FAM78B: variants seen among roughly 807,000 people sequenced by gnomAD.
FAM78B encodes the protein family with sequence similarity 78 member B, also known as protein FAM78B.
Under a neutral mutation model 20.0 loss-of-function variants are expected in FAM78B, and 10 were observed. That is an observed-to-expected ratio of 0.50 (90% CI 0.31 to 0.85). The LOEUF (loss-of-function observed/expected upper bound fraction) is 0.85, where lower values mean the gene tolerates loss of function less well. FAM78B is among the 40% of genes least tolerant of loss of function. FAM78B has a pLI of 0.05. For synonymous variants in FAM78B, 135 were observed against 132.8 expected, an observed-to-expected ratio of 1.02 and a Z score of -0.12; for missense variants, 283 against 345.0, an observed-to-expected ratio of 0.82 and a Z score of 1.42.
intron 1 of FAM78B, among the ~76,000 whole-genome samples, chr1:166,107,965 A>G (rs1175287398): frequency 6.6e-6 from 1 of 152,204 alleles, no homozygotes; most frequent in Non-Finnish European, 1.5e-5. Flanking sequence ...TAAAACTCTC[A>G]GCAAAATAGG....
intron 1 of FAM78B, among the ~76,000 whole-genome samples, chr1:166,154,300 G>C (rs1215680725): frequency 6.6e-6 from 1 of 152,210 alleles, no homozygotes; most frequent in African/African-American, 2.4e-5. Flanking sequence ...TTGAGGGGTG[G>C]AAGAAAGGGA....
intron 1 of FAM78B, among the ~76,000 whole-genome samples, chr1:166,118,425 T>C (rs1362756068): frequency 2.0e-5 from 3 of 152,156 alleles, no homozygotes; most frequent in African/African-American, 7.2e-5. Context: ...AAAGAACCAA[T>C]AATTTCACAC....
At chr1:166,154,595 C>A in intron 1 of FAM78B, 2 of 407,604 alleles carry the variant, frequency 4.9e-6, no homozygotes, top group Non-Finnish European at 5.1e-6. Context: ...GGGCAGGTGG[C>A]CATCTCTGCC....
At chr1:166,066,473 G>A (rs1399018567), downstream of FAM78B, among the ~76,000 whole-genome samples, 1 of 152,176 alleles carries the variant, frequency 6.6e-6, no homozygotes, top group Non-Finnish European at 1.5e-5. Context: ...GGATGAACAG[G>A]AGAGGCAGAA....
At chr1:166,107,631 A>G (rs77883194) in intron 1 of FAM78B, among the ~76,000 whole-genome samples, 2 of 152,160 alleles carry the variant, frequency 1.3e-5, no homozygotes, top group Non-Finnish European at 2.9e-5. Flanking sequence ...AACCTTCCCT[A>G]ATTCATTCTA....
rs527863752 is a variant in FAM78B at position 166,078,147 on chromosome 1, T to C, written c.264-7384A>G. Among the ~76,000 whole-genome samples, 1,219 of 151,662 alleles carry C rather than the reference T, an allele frequency of 8.0e-3. 24 individuals are homozygous for C. Among genetic ancestry groups the C allele is most frequent in the African/African-American group, 0.029 (1,179 of 41,284 alleles). On this transcript the variant is annotated intron_variant, in intron 1 of 1. Coordinates refer to ENST00000354422, the MANE Select transcript of FAM78B (RefSeq NM_001017961.5). ...CTTGGGTTCAAGCAATTCTTCTGCC[T>C]CAGACTCCCGAGTAGCTGGGACTAC...
chr1:166,160,989 T>C (rs537402383), intron 1 of FAM78B, among the ~76,000 whole-genome samples: 3 of 152,266 alleles, frequency 2.0e-5, no homozygotes, highest in African/African-American at 4.8e-5. Flanking sequence ...GAGACCGGAA[T>C]GAGGGGCAGG....
chr1:166,163,332 G>C (rs2101808537), intron 1 of FAM78B, among the ~76,000 whole-genome samples: 1 of 152,282 alleles, frequency 6.6e-6, no homozygotes, highest in South Asian at 2.1e-4. Flanking sequence ...ATTAAGCTCT[G>C]GCCATCATAG....
intron 1 of FAM78B, among the ~76,000 whole-genome samples, chr1:166,099,596 G>C (rs1653426317): frequency 6.6e-6 from 1 of 152,166 alleles, no homozygotes; most frequent in African/African-American, 2.4e-5. Context: ...CATGCAAATG[G>C]GGTAGCAGCG....
chr1:166,076,937 T>C (rs2101716690), intron 1 of FAM78B, among the ~76,000 whole-genome samples: 1 of 152,250 alleles, frequency 6.6e-6, no homozygotes, highest in East Asian at 1.9e-4. Context: ...GGGTGAGCTC[T>C]TTGAGGATGA....
intron 1 of FAM78B, among the ~76,000 whole-genome samples, chr1:166,128,472 A>C (rs986466983): frequency 1.1e-4 from 16 of 152,238 alleles, no homozygotes; most frequent in Admixed American, 1.0e-3. Context: ...TGTCCCTTAT[A>C]AAGTAGGCAG....
chr1:166,088,763 G>A (rs1652943767), intron 1 of FAM78B, among the ~76,000 whole-genome samples: 2 of 152,184 alleles, frequency 1.3e-5, no homozygotes, highest in Admixed American at 1.3e-4. Context: ...CCAACCACGG[G>A]GAGGGGCAGA....
chr1:166,122,272 A>G (rs1421587989), intron 1 of FAM78B, among the ~76,000 whole-genome samples: 1 of 152,174 alleles, frequency 6.6e-6, no homozygotes, highest in Non-Finnish European at 1.5e-5. Flanking sequence ...GGCACAGATC[A>G]GCCTGAAAGC....
At chr1:166,143,947 G>C (rs1400547792) in intron 1 of FAM78B, among the ~76,000 whole-genome samples, 1 of 152,122 alleles carries the variant, frequency 6.6e-6, no homozygotes, top group Non-Finnish European at 1.5e-5. Context: ...CCCTCCTCCA[G>C]AATGTCCTTA....
intron 1 of FAM78B, among the ~76,000 whole-genome samples, chr1:166,165,259 T>C (rs572539806): frequency 6.6e-6 from 1 of 152,316 alleles, no homozygotes; most frequent in Admixed American, 6.5e-5. Flanking sequence ...TCCTTTCCTT[T>C]AGCATAAGAA....
At chr1:166,125,032 G>A (rs1053962828) in intron 1 of FAM78B, among the ~76,000 whole-genome samples, 5 of 152,116 alleles carry the variant, frequency 3.3e-5, no homozygotes, top group Non-Finnish European at 7.3e-5. Flanking sequence ...AGCAAATTTG[G>A]CTTCTCCTAT....
chr1:166,145,753 A>T (rs1307012969), intron 1 of FAM78B, among the ~76,000 whole-genome samples: 1 of 152,200 alleles, frequency 6.6e-6, no homozygotes, highest in African/African-American at 2.4e-5. Context: ...GGTGACTAAC[A>T]CTTTTTCTTG....
chr1:166,104,811 A>G (rs1393957171), intron 1 of FAM78B, among the ~76,000 whole-genome samples: 4 of 152,236 alleles, frequency 2.6e-5, no homozygotes, highest in Admixed American at 2.6e-4. Context: ...TGCCATCCCT[A>G]TCAAGCTACC....
chr1:166,142,509 A>G (rs900841373), intron 1 of FAM78B, among the ~76,000 whole-genome samples: 3 of 152,222 alleles, frequency 2.0e-5, no homozygotes, highest in Non-Finnish European at 4.4e-5. Context: ...TCCTCCCCTC[A>G]AGGATCTTGA....
Sources: allele counts gnomAD v4.1 joint callset (sites outside exome capture counted in the v4.1 genomes callset), GRCh38; gene constraint gnomAD v4.1.1; transcripts MANE v1.5; gene names NCBI Gene and HGNC (gene_info 2026-07-23, HGNC 2026-07-21).